The following NEO1 variants were observed in gnomAD, a reference collection of about 807,000 sequenced individuals.
NEO1 encodes neogenin 1.
A neutral mutation model predicts 159.7 loss-of-function variants in NEO1; 63 were observed. The observed-to-expected ratio is 0.39, with a 90% confidence interval of 0.32 to 0.49. NEO1 has a LOEUF of 0.49. Among genes scored for constraint, NEO1 ranks in the 20% least tolerant of loss-of-function variants. The probability of loss-of-function intolerance (pLI) is 0.85; values close to 1 mark genes in which losing one functional copy is unlikely to be tolerated. For missense variants in NEO1, 1,615 were observed against 1,831.0 expected, an observed-to-expected ratio of 0.88 and a Z score of 2.15; for synonymous variants, 633 against 662.0, an observed-to-expected ratio of 0.96 and a Z score of 0.67.
chr15:73,165,583 A>G (rs953747801), intron 5 of NEO1, among the ~76,000 whole-genome samples: 6 of 152,182 alleles, frequency 3.9e-5, no homozygotes, highest in Non-Finnish European at 7.3e-5. Context: ...AGTCCTGCCA[A>G]TGCACCACAG....
rs118087147 is a variant in NEO1 at position 73,283,089 on chromosome 15, C to T, written c.3388C>T (p.Arg1130Cys). 6,278 of 1,614,150 alleles carry T rather than the reference C, an allele frequency of 3.9e-3. 74 individuals carry two copies. The East Asian group carries it at 0.045, about 12-fold the overall frequency. The change falls in exon 23 of 29, where the codon CGT (arginine) becomes TGT (cysteine). Residue 1130 changes from arginine (R) to cysteine (C), a missense_variant. Around this residue, in one of 3 missense-constraint regions of NEO1, gnomAD observed 471 missense variants for 498.9 expected, o/e 0.94. Coordinates refer to ENST00000261908, the MANE Select transcript of NEO1 (RefSeq NM_002499.4). ...VVIIAVFCTR[R>C]TTSHQKKKRA... ...GATTATCGCTGTCTTTTGTACCCGT[C>T]GTACCACCTCTCACCAGAAAAAGTA... is the stretch of plus-strand genomic sequence containing the variant.
intron 7 of NEO1, among the ~76,000 whole-genome samples, chr15:73,193,044 A>T (rs1466863884): frequency 6.6e-6 from 1 of 152,070 alleles, no homozygotes; most frequent in Non-Finnish European, 1.5e-5. Flanking sequence ...TAGGAGAAAA[A>T]ATAGTTTAAT....
chr15:73,184,673 C>T (rs1365173426), intron 7 of NEO1, among the ~76,000 whole-genome samples: 1 of 152,178 alleles, frequency 6.6e-6, no homozygotes, highest in East Asian at 1.9e-4. Context: ...TACGCCTGTA[C>T]TCCCAGCACT....
chr15:73,254,599 A>G, intron 12 of NEO1, 83 bp from the exon 13 acceptor site: 5 of 1,402,898 alleles, frequency 3.6e-6, no homozygotes, highest in Non-Finnish European at 4.8e-6. Flanking sequence ...CTCTTTAAAC[A>G]GTAAAATCAG....
At chr15:73,158,471 C>T (rs1486739462) in intron 5 of NEO1, among the ~76,000 whole-genome samples, 3 of 151,962 alleles carry the variant, frequency 2.0e-5, no homozygotes, top group Non-Finnish European at 4.4e-5. Flanking sequence ...GGTCATCGCT[C>T]ACTGCAGCCT....
chr15:73,279,354 T>TC (rs1555466379), intron 22 of NEO1, among the ~76,000 whole-genome samples: 2 of 139,098 alleles, frequency 1.4e-5, no homozygotes, highest in East Asian at 4.2e-4. Flanking sequence ...GGTTTTGGTT[T>TC]TTTTTTTTTT....
intron 1 of NEO1, among the ~76,000 whole-genome samples, chr15:73,063,128 A>G (rs891606175): frequency 6.6e-6 from 1 of 152,202 alleles, no homozygotes; most frequent in Admixed American, 6.5e-5. Flanking sequence ...ATGGAGGCTT[A>G]TTGAGAAACA....
chr15:73,163,162 AT>A (rs551106501), intron 5 of NEO1, among the ~76,000 whole-genome samples: 23 of 151,360 alleles, frequency 1.5e-4, no homozygotes, highest in East Asian at 5.8e-4. Flanking sequence ...ACATTTTCTG[AT>A]TTTTTTTTGA....
Position 73,122,620 on chromosome 15 carries a change from T to C in NEO1, c.544T>C (p.Phe182Leu), listed in dbSNP as rs1381928086. 6.2e-7 allele frequency: 1 copy of C among 1,614,096 alleles called. No individual in the cohort carries two copies. The highest frequency in any genetic ancestry group is 8.5e-7 in the Non-Finnish European group (1 of 1,179,990). Reference sequence around the variant, plus strand: ...TGAAGTTAATGCAGATTTGGTCCCATTTGTGAGGTGGGAACAGAACAGACA... The same window carrying C: ...TGAAGTTAATGCAGATTTGGTCCCACTTGTGAGGTGGGAACAGAACAGACA... ...NCEVNADLVP[F>L]VRWEQNRQPL... The change falls in exon 3 of 29, where the codon TTT becomes CTT. Residue 182 changes from phenylalanine to leucine, a missense_variant. By Grantham distance (22) the Phe-to-Leu change is conservative. Transcript: ENST00000261908.
intron 2 of NEO1, among the ~76,000 whole-genome samples, chr15:73,118,028 A>G (rs1164694418): frequency 6.6e-6 from 1 of 152,044 alleles, no homozygotes; most frequent in South Asian, 2.1e-4. Flanking sequence ...GACTGCCTCT[A>G]CAACGTCACT....
chr15:73,157,444 G>A (rs973875895), intron 5 of NEO1, among the ~76,000 whole-genome samples: 16 of 152,196 alleles, frequency 1.1e-4, no homozygotes, highest in Admixed American at 6.5e-5. Context: ...TCCTTGTCCA[G>A]TCACTCCCCA....
intron 1 of NEO1, among the ~76,000 whole-genome samples, chr15:73,084,697 A>G (rs2069255737): frequency 6.6e-6 from 1 of 151,354 alleles, no homozygotes. Context: ...GGGAAGTTTT[A>G]TTTTTCATTT....
At chr15:73,155,440 T>G (rs563495002) in intron 5 of NEO1, among the ~76,000 whole-genome samples, 1 of 152,326 alleles carries the variant, frequency 6.6e-6, no homozygotes, top group East Asian at 1.9e-4. Flanking sequence ...GTGGTGCATA[T>G]TCCAAGTCCT....
chr15:73,170,282 A>G (rs184532966), intron 5 of NEO1, among the ~76,000 whole-genome samples: 1 of 152,332 alleles, frequency 6.6e-6, no homozygotes, highest in African/African-American at 2.4e-5. Context: ...AGGATAAAGT[A>G]AATGAGTAAT....
At position 73,303,475 on chromosome 15, in the gene NEO1, A is replaced by C. The variant is rs1032230747; in HGVS notation, c.*779A>C. The C allele has an allele frequency of 7.8e-6, 1 of 128,298 alleles. No homozygotes were observed. Among genetic ancestry groups the C allele is most frequent in the Admixed American group, 8.2e-5 (1 of 12,142 alleles). 7.9% of individuals were successfully genotyped at this position (128,298 alleles called of 1,614,324 possible). On this transcript the variant is annotated 3_prime_UTR_variant, in exon 29 of 29. Transcript: ENST00000261908. ...TGTTTGTTGCTTTCTGTGCAGTTTC[A>C]GTATTGGGGCGGGTGGGGGGCTGGG...
intron 21 of NEO1, among the ~76,000 whole-genome samples, chr15:73,277,132 A>C (rs1380906413): frequency 6.6e-6 from 1 of 152,230 alleles, no homozygotes; most frequent in Non-Finnish European, 1.5e-5. Context: ...GTTGTATATG[A>C]TGGAGGTAAT....
chr15:73,240,340 AGTTGAGTTGGC>A (rs1567573520), intron 8 of NEO1, among the ~76,000 whole-genome samples: 6 of 152,194 alleles, frequency 3.9e-5, no homozygotes, highest in Admixed American at 1.3e-4. Flanking sequence ...GAGATACAGA[AGTTGAGTTGGC>A]AGGGGCAGGT....
intron 1 of NEO1, among the ~76,000 whole-genome samples, chr15:73,064,032 C>T (rs1426880162): frequency 2.6e-5 from 4 of 152,106 alleles, no homozygotes; most frequent in South Asian, 4.1e-4. Flanking sequence ...AAGGAGTTAG[C>T]GTTTGCCACT....
At chr15:73,148,568 T>C (rs2033113201) in intron 5 of NEO1, among the ~76,000 whole-genome samples, 1 of 152,234 alleles carries the variant, frequency 6.6e-6, no homozygotes, top group Non-Finnish European at 1.5e-5. Flanking sequence ...GGTGTATTGA[T>C]GGCACTTTCA....
Sources: allele counts gnomAD v4.1 joint callset (sites outside exome capture counted in the v4.1 genomes callset), GRCh38; gene constraint gnomAD v4.1.1; regional missense constraint gnomAD v4.1.1; transcripts MANE v1.5; gene names NCBI Gene and HGNC (gene_info 2026-07-23, HGNC 2026-07-21).